ZNF586: variants seen among roughly 807,000 people sequenced by gnomAD.
The protein encoded by ZNF586 is zinc finger protein 586.
Under a neutral mutation model 6.7 loss-of-function variants are expected in ZNF586, and 7 were observed. The ratio of observed to expected loss-of-function variants is 1.04; its 90% confidence interval spans 0.59 to 1.95. ZNF586 has a LOEUF of 1.95. Ranked by LOEUF, ZNF586 falls within the 30% of genes most tolerant of loss-of-function variation. ZNF586 has a pLI of 0.00. For synonymous variants in ZNF586, 166 were observed against 168.7 expected (o/e 0.98, Z 0.12); for missense variants, 442 against 489.6 (o/e 0.90, Z 0.92).
intron 1 of ZNF586, among the ~76,000 whole-genome samples, chr19:57,772,222 C>CA (rs1336793540): frequency 6.6e-6 from 1 of 152,174 alleles, no homozygotes; most frequent in African/African-American, 2.4e-5. Context: ...GGAGCTGCAT[C>CA]AACTGAGATG....
In ZNF586 at chr19:57,776,655, T is replaced by C; in HGVS notation, c.149T>C (p.Leu50Pro). Residue 50 changes from leucine to proline, a missense_variant, in exon 2 of 3, where the codon CTT becomes CCT. Coordinates refer to ENST00000396154, the MANE Select transcript of ZNF586 (RefSeq NM_017652.4). Reference protein sequence around the residue: ...YRDVMLETLTLISSLGCWHGG... With the variant: ...YRDVMLETLTPISSLGCWHGG... ...GACGTGATGCTGGAGACCTTGACAC[T>C]TATATCCTCCCTGGGTAAGGTACTC... The C allele has an allele frequency of 6.2e-7, 1 of 1,605,618 alleles. No homozygotes were observed. The highest frequency in any genetic ancestry group is 8.5e-7 in the Non-Finnish European group (1 of 1,176,288).
At chr19:57,772,047 C>G (rs1329885571) in intron 1 of ZNF586, among the ~76,000 whole-genome samples, 2 of 152,168 alleles carry the variant, frequency 1.3e-5, no homozygotes, top group African/African-American at 4.8e-5. Flanking sequence ...CTGCCTCGAA[C>G]TCCTGACCTC....
At chr19:57,775,659 G>T (rs535002615) in intron 1 of ZNF586, among the ~76,000 whole-genome samples, 1 of 143,722 alleles carries the variant, frequency 7.0e-6, no homozygotes, top group African/African-American at 2.6e-5. Flanking sequence ...CTAGAGTGCA[G>T]TGGTGCCATC....
chr19:57,769,980 T>C, intron 1 of ZNF586, 102 bp downstream of exon 1: 3 of 1,114,652 alleles, frequency 2.7e-6, no homozygotes, highest in Non-Finnish European at 3.6e-6. Flanking sequence ...CCCAGGCCTC[T>C]GTCAGGGACG....
intron 2 of ZNF586, among the ~76,000 whole-genome samples, chr19:57,778,203 C>G (rs999629620): frequency 3.7e-4 from 56 of 151,762 alleles, no homozygotes; most frequent in African/African-American, 1.4e-3. Context: ...TCCCGAGTAT[C>G]TGGTATTACA....
intron 1 of ZNF586, among the ~76,000 whole-genome samples, chr19:57,774,519 A>G (rs1273580461): frequency 6.7e-6 from 1 of 149,792 alleles, no homozygotes; most frequent in South Asian, 2.1e-4. Flanking sequence ...GTGAAACTCC[A>G]TCTCAAAAAT....
intron 2 of ZNF586, among the ~76,000 whole-genome samples, chr19:57,777,282 T>A (rs1000991062): frequency 2.6e-5 from 4 of 152,238 alleles, no homozygotes; most frequent in Non-Finnish European, 4.4e-5. Flanking sequence ...AGAGTTGTTC[T>A]GAGCCAGCAT....
chr19:57,775,122 G>T (rs1987199834), intron 1 of ZNF586, among the ~76,000 whole-genome samples: 1 of 151,578 alleles, frequency 6.6e-6, no homozygotes, highest in African/African-American at 2.4e-5. Context: ...TCAGCCTCCT[G>T]AGTACCTGGG....
In ZNF586 at chr19:57,776,620, C is replaced by G; in HGVS notation, c.114C>G (p.Cys38Trp). 1.2e-5 allele frequency: 19 copies of G among 1,612,546 alleles called. No individual in the cohort carries two copies. Among genetic ancestry groups the G allele is most frequent in the Non-Finnish European group, 1.6e-5 (19 of 1,179,444 alleles). ...GTCTTCTTAATGAGGCTCAGAGATGCCTGTACCGTGACGTGATGCTGGAGA... is the reference window on the plus strand; with the variant it reads ...GTCTTCTTAATGAGGCTCAGAGATGGCTGTACCGTGACGTGATGCTGGAGA... ...EWSLLNEAQR[C>W]LYRDVMLETL... The change falls in exon 2 of 3, where the codon TGC becomes TGG. Residue 38 changes from cysteine to tryptophan, a missense_variant. Cys to Trp is a radical substitution (Grantham distance 215, BLOSUM62 -2). Coordinates refer to ENST00000396154, the MANE Select transcript of ZNF586 (RefSeq NM_017652.4).
intron 1 of ZNF586, among the ~76,000 whole-genome samples, chr19:57,772,467 C>T (rs2122553766): frequency 6.6e-6 from 1 of 151,110 alleles, no homozygotes; most frequent in East Asian, 2.0e-4. Flanking sequence ...TGTCCGCCAA[C>T]CCCTTTCGAT....
Position 57,769,851 on chromosome 19 carries a change from A to C in ZNF586, c.9A>C (p.Ala3=). 6.5e-7 allele frequency: 1 copy of C among 1,542,080 alleles called. No individual in the cohort carries two copies. The highest frequency in any genetic ancestry group is 1.7e-4 in the Middle Eastern group (1 of 5,940). MA[A]AAALRAPAQS... The stretch of plus-strand genomic sequence containing the variant: ...CCCCCCCGCCCAGAGTCATGGCGGC[A>C]GCAGCCGCTCTGAGGGCGCCTGCTC... Residue 3 remains alanine (A), a synonymous_variant, in exon 1 of 3, where the codon GCA becomes GCC. Coordinates refer to ENST00000396154, the MANE Select transcript of ZNF586 (RefSeq NM_017652.4).
At position 57,779,417 on chromosome 19, in the gene ZNF586, T is replaced by C; in HGVS notation, c.830T>C (p.Leu277Pro). ...CGKSFRRSSS[L>P]LQHQRVHTRE... ...AAATCATTTCGCCGAAGCTCTTCAC[T>C]CTTGCAGCATCAGAGAGTTCACACT... The change falls in exon 3 of 3, where the codon CTC (leucine) becomes CCC (proline). Residue 277 changes from leucine (L) to proline (P), a missense_variant. Transcript: ENST00000396154. 6.2e-7 allele frequency: 1 copy of C among 1,613,778 alleles called. No homozygotes were observed. Among genetic ancestry groups the C allele is most frequent in the Non-Finnish European group, 8.5e-7 (1 of 1,179,962 alleles).
chr19:57,774,639 A>T (rs1397453419), intron 1 of ZNF586: 1 of 400,604 alleles, frequency 2.5e-6, no homozygotes, highest in East Asian at 1.8e-4. Context: ...AATATCTGAA[A>T]ATGCTAGTGG....
intron 1 of ZNF586, 35 bp downstream of exon 1, chr19:57,769,913 AC>A: frequency 8.9e-7 from 1 of 1,128,240 alleles, no homozygotes; most frequent in Non-Finnish European, 1.2e-6. Flanking sequence ...TACCCACCCT[AC>A]CCACCCAGAC....
intron 1 of ZNF586, among the ~76,000 whole-genome samples, chr19:57,771,217 C>T (rs190041872): frequency 9.3e-4 from 141 of 151,582 alleles, no homozygotes; most frequent in African/African-American, 3.4e-3. Flanking sequence ...AGGAGAATCG[C>T]TTGAACCCGG....
intron 1 of ZNF586, among the ~76,000 whole-genome samples, chr19:57,770,805 C>G: frequency 6.6e-6 from 1 of 152,110 alleles, no homozygotes; most frequent in Non-Finnish European, 1.5e-5. Context: ...AGGGGATGCT[C>G]TAGTCCTTCA....
At chr19:57,776,804 AC>A in intron 2 of ZNF586, 135 bp downstream of exon 2, 1 of 1,047,278 alleles carries the variant, frequency 9.5e-7, no homozygotes, top group Non-Finnish European at 1.4e-6. Flanking sequence ...TGTTGGTCGG[AC>A]TGAGGTGTAC....
chr19:57,774,216 CAA>C (rs34864063), intron 1 of ZNF586, among the ~76,000 whole-genome samples: 24,221 of 68,228 alleles, frequency 0.36, 2,666 homozygotes, highest in East Asian at 0.47. Flanking sequence ...AACTCCGTCT[CAA>C]AAAAAAAAAA....
At chr19:57,771,971 C>T (rs1339205658) in intron 1 of ZNF586, among the ~76,000 whole-genome samples, 2 of 152,014 alleles carry the variant, frequency 1.3e-5, no homozygotes, top group African/African-American at 2.4e-5. Flanking sequence ...ATTACAGGCG[C>T]GCGCCTCCAC....
Sources: gnomAD v4.1 joint callset for allele counts (sites outside exome capture counted in the v4.1 genomes callset) on GRCh38, gnomAD v4.1.1 for gene constraint, MANE v1.5 for transcripts, NCBI Gene and HGNC (gene_info 2026-07-23, HGNC 2026-07-21) for gene names.